Variants in FAM184B observed in about 807,000 individuals in gnomAD.
The protein encoded by FAM184B is protein FAM184B.
Under a neutral mutation model 135.9 loss-of-function variants are expected in FAM184B, and 111 were observed. That is an observed-to-expected ratio of 0.82 (90% confidence interval 0.70 to 0.96). The LOEUF is 0.96. Among genes scored for constraint, FAM184B ranks in the 40% least tolerant of loss-of-function variants. FAM184B has a pLI of 0.00. For missense variants in FAM184B, 1,375 were observed against 1,323.9 expected (o/e 1.04, Z -0.60); for synonymous variants, 552 against 524.8 (o/e 1.05, Z -0.71).
intron 5 of FAM184B, 85 bp downstream of exon 5, chr4:17,704,915 A>G: frequency 8.3e-7 from 1 of 1,206,774 alleles, no homozygotes; most frequent in South Asian, 1.5e-5. Context: ...ATGTTTGAGG[A>G]AGAAAAGAAG....
At chr4:17,727,440 C>T (rs979889953) in intron 1 of FAM184B, among the ~76,000 whole-genome samples, 1 of 152,176 alleles carries the variant, frequency 6.6e-6, no homozygotes, top group Non-Finnish European at 1.5e-5. Context: ...AGTCTGTTCT[C>T]ACACTGCTAT....
intron 5 of FAM184B, among the ~76,000 whole-genome samples, chr4:17,694,098 C>G (rs951349462): frequency 6.6e-6 from 1 of 152,200 alleles, no homozygotes; most frequent in African/African-American, 2.4e-5. Flanking sequence ...GGTGCAGTTA[C>G]GTTCCAGCTG....
chr4:17,663,690 A>G (rs1216613362), intron 8 of FAM184B, among the ~76,000 whole-genome samples: 1 of 151,892 alleles, frequency 6.6e-6, no homozygotes, highest in Non-Finnish European at 1.5e-5. Flanking sequence ...CTCACCCAGG[A>G]GTCAAGCTCA....
intron 1 of FAM184B, among the ~76,000 whole-genome samples, chr4:17,743,778 C>T (rs899224257): frequency 1.3e-5 from 2 of 152,224 alleles, no homozygotes; most frequent in Non-Finnish European, 2.9e-5. Flanking sequence ...TTCTTCAGGT[C>T]TTACCCAAGT....
intron 7 of FAM184B, among the ~76,000 whole-genome samples, chr4:17,671,066 C>T (rs576534558): frequency 1.3e-5 from 2 of 152,236 alleles, no homozygotes; most frequent in East Asian, 1.9e-4. Context: ...AGTTCATGTA[C>T]ATATTCCCTT....
At chr4:17,664,061 G>C (rs1715987563) in intron 8 of FAM184B, among the ~76,000 whole-genome samples, 1 of 152,084 alleles carries the variant, frequency 6.6e-6, no homozygotes, top group African/African-American at 2.4e-5. Context: ...ATTCTTTATA[G>C]CGGTGTGGAA....
chr4:17,729,127 C>T (rs6825464), intron 1 of FAM184B, among the ~76,000 whole-genome samples: 56,720 of 152,132 alleles, frequency 0.37, 12,172 homozygotes, highest in Non-Finnish European at 0.49. Context: ...GAGGGTCCTG[C>T]GCCCACGGAG....
At chr4:17,651,563 A>AAG (rs1715618749) in intron 11 of FAM184B, among the ~76,000 whole-genome samples, 3 of 148,522 alleles carry the variant, frequency 2.0e-5, no homozygotes, top group South Asian at 2.1e-4. Context: ...AAAAAAAAAA[A>AAG]GAAGAAAAGA....
chr4:17,633,672 C>T lies in FAM184B; in HGVS notation c.3089+17G>A. 1 of 1,495,482 alleles carries T rather than the reference C, an allele frequency of 6.7e-7. No individual in the cohort carries two copies. The highest frequency in any genetic ancestry group is 8.9e-7 in the Non-Finnish European group (1 of 1,117,426). 92.6% of individuals were successfully genotyped at this position (1,495,482 alleles called of 1,614,324 possible). A position where few individuals can be genotyped will look rare whatever the true frequency, so the allele number is the denominator to read the frequency against. ...GGGAAATAGAATAAGGGCCCCTGTCCCCAACATCCCCCAAACCTTGTGGCA... is the reference window on the plus strand; with the variant it reads ...GGGAAATAGAATAAGGGCCCCTGTCTCCAACATCCCCCAAACCTTGTGGCA... On this transcript the variant is annotated intron_variant, in intron 17 of 17. Transcript: ENST00000265018.
chr4:17,705,692 T>A, intron 4 of FAM184B, 60 bp downstream of exon 4: 1 of 1,540,726 alleles, frequency 6.5e-7, no homozygotes, highest in Non-Finnish European at 8.8e-7. Flanking sequence ...ACCTGACGCT[T>A]ATAATAGATA....
At chr4:17,752,338 G>A (rs992759303) in intron 1 of FAM184B, among the ~76,000 whole-genome samples, 71 of 152,134 alleles carry the variant, frequency 4.7e-4, no homozygotes, top group Non-Finnish European at 8.1e-4. Context: ...GGGTAGGACG[G>A]GAGATAGGGG....
chr4:17,733,998 A>C (rs1472062748), intron 1 of FAM184B, among the ~76,000 whole-genome samples: 2 of 152,244 alleles, frequency 1.3e-5, no homozygotes, highest in Non-Finnish European at 2.9e-5. Flanking sequence ...GATCAATGGA[A>C]CAGAACAGAG....
At chr4:17,721,787 G>A (rs1288681748) in intron 1 of FAM184B, among the ~76,000 whole-genome samples, 1 of 152,148 alleles carries the variant, frequency 6.6e-6, no homozygotes, top group Non-Finnish European at 1.5e-5. Context: ...GAGAGTCTGG[G>A]GGAGGTCCCG....
At chr4:17,704,002 A>G (rs961819491) in intron 5 of FAM184B, among the ~76,000 whole-genome samples, 7 of 152,144 alleles carry the variant, frequency 4.6e-5, no homozygotes, top group Non-Finnish European at 8.8e-5. Context: ...CTACAGTCAC[A>G]CAGCTTGTGT....
chr4:17,737,026 T>A (rs1444875240), intron 1 of FAM184B, among the ~76,000 whole-genome samples: 1 of 151,844 alleles, frequency 6.6e-6, no homozygotes, highest in Non-Finnish European at 1.5e-5. Flanking sequence ...GCACCTGTAA[T>A]CCCAGCTACT....
rs61539641 is a variant in FAM184B at position 17,721,383 on chromosome 4, C to CAAAAAAAAAAAAAAAAAA, written c.142-11757_142-11740dup. ...TGGGCGACAGAGAAAGATTCTGTCT[C>CAAAAAAAAAAAAAAAAAA]AAAAAAAAAAAAAAAAAAAAAAATC... On this transcript the variant is annotated intron_variant, in intron 1 of 17. Transcript: ENST00000265018. 3.1e-3 allele frequency among the ~76,000 whole-genome samples: 146 copies of CAAAAAAAAAAAAAAAAAA among 47,382 alleles called. 20 individuals are homozygous for CAAAAAAAAAAAAAAAAAA. The highest frequency in any genetic ancestry group is 4.2e-3 in the Non-Finnish European group (104 of 25,008). 31.1% of individuals were successfully genotyped at this position (47,382 alleles called of 152,430 possible). A position where few individuals can be genotyped will look rare whatever the true frequency, so the allele number is the denominator to read the frequency against.
intron 11 of FAM184B, among the ~76,000 whole-genome samples, chr4:17,652,255 G>A (rs1236252358): frequency 6.7e-6 from 1 of 149,694 alleles, no homozygotes; most frequent in Non-Finnish European, 1.5e-5. Context: ...CTCCCGAATA[G>A]CTGGGACTAC....
intron 1 of FAM184B, among the ~76,000 whole-genome samples, chr4:17,722,035 G>A (rs1717543309): frequency 6.6e-6 from 1 of 152,232 alleles, no homozygotes; most frequent in Non-Finnish European, 1.5e-5. Context: ...GCCAGGGAAG[G>A]GAGTTTGGGC....
intron 1 of FAM184B, among the ~76,000 whole-genome samples, chr4:17,775,304 G>A (rs1345021612): frequency 6.6e-6 from 1 of 152,070 alleles, no homozygotes; most frequent in Non-Finnish European, 1.5e-5. Flanking sequence ...TCCTGCCTCA[G>A]CCTCCCGAGT....
Sources: allele counts gnomAD v4.1 joint callset (sites outside exome capture counted in the v4.1 genomes callset), GRCh38; gene constraint gnomAD v4.1.1; transcripts MANE v1.5; gene names NCBI Gene and HGNC (gene_info 2026-07-23, HGNC 2026-07-21).